The following LARP4B variants were observed in gnomAD, a reference collection of about 807,000 sequenced individuals.
LARP4B encodes la-related protein 4B.
Under a neutral mutation model 89.8 loss-of-function variants are expected in LARP4B, and 12 were observed. The observed-to-expected ratio is 0.13, with a 90% confidence interval of 0.09 to 0.22. The LOEUF is 0.22. Ranked by LOEUF, LARP4B falls within the 10% of genes least tolerant of loss-of-function variation. The pLI, the probability that LARP4B is intolerant of heterozygous loss-of-function variation, is 1.00. For missense variants in LARP4B, 757 were observed against 947.7 expected, an observed-to-expected ratio of 0.80 and a Z score of 2.64; for synonymous variants, 367 against 363.3, an observed-to-expected ratio of 1.01 and a Z score of -0.12.
chr10:954,335 G>T, the LARP4B span, among the ~76,000 whole-genome samples: 1 of 152,158 alleles, frequency 6.6e-6, no homozygotes, highest in Non-Finnish European at 1.5e-5. This position sits in a 1 kb window ranked among gnomAD's most constrained non-coding sequence, Gnocchi z 5.0. Context: ...AAGGGCTCCT[G>T]CTCCAGGCCT....
chr10:824,161 G>A (rs752293369), intron 13 of LARP4B, among the ~76,000 whole-genome samples: 11 of 152,116 alleles, frequency 7.2e-5, no homozygotes, highest in South Asian at 2.1e-4. Flanking sequence ...AAATCCTGAC[G>A]GTCCTTACCA....
intron 1 of LARP4B, among the ~76,000 whole-genome samples, chr10:898,430 T>G (rs554936823): frequency 6.6e-6 from 1 of 152,200 alleles, no homozygotes; most frequent in Non-Finnish European, 1.5e-5. Flanking sequence ...CCTGAAAACC[T>G]GTATGTGAAT....
At chr10:870,051 C>T (rs1489345467) in intron 3 of LARP4B, 5 of 985,530 alleles carry the variant, frequency 5.1e-6, no homozygotes, top group Admixed American at 1.2e-4. Flanking sequence ...CAAACAACAC[C>T]GTCCTCTGAC....
At chr10:914,447 C>A (rs1353214014) in intron 1 of LARP4B, among the ~76,000 whole-genome samples, 1 of 151,098 alleles carries the variant, frequency 6.6e-6, no homozygotes. Flanking sequence ...TGCAGTGAGC[C>A]GAGATCACGC....
chr10:927,247 G>C (rs1035696319), intron 1 of LARP4B, among the ~76,000 whole-genome samples: 1 of 152,092 alleles, frequency 6.6e-6, no homozygotes, highest in Non-Finnish European at 1.5e-5. Context: ...AGTTTATAAA[G>C]GCATTGAAGG....
intron 5 of LARP4B, among the ~76,000 whole-genome samples, chr10:854,572 CTT>C (rs1834208912): frequency 6.6e-6 from 1 of 151,836 alleles, no homozygotes; most frequent in Non-Finnish European, 1.5e-5. Context: ...TGAAAAATAT[CTT>C]TGTTTTTTTT....
intron 5 of LARP4B, among the ~76,000 whole-genome samples, chr10:849,255 T>C (rs1011147589): frequency 1.3e-5 from 2 of 152,220 alleles, no homozygotes; most frequent in African/African-American, 4.8e-5. Flanking sequence ...CTGATATCAC[T>C]GTCCAATGAA....
chr10:892,791 G>A (rs975906104), intron 1 of LARP4B, among the ~76,000 whole-genome samples: 13 of 151,798 alleles, frequency 8.6e-5, no homozygotes, highest in African/African-American at 2.7e-4. Flanking sequence ...CACCCACCTC[G>A]GCCTCCCAAA....
chr10:821,937 T>A (rs1832372624), intron 13 of LARP4B, among the ~76,000 whole-genome samples: 1 of 152,174 alleles, frequency 6.6e-6, no homozygotes, highest in Admixed American at 6.6e-5. Flanking sequence ...GCATGAGTCC[T>A]GACAACCCAA....
intron 1 of LARP4B, among the ~76,000 whole-genome samples, chr10:890,769 C>T (rs1835993674): frequency 1.3e-5 from 2 of 152,102 alleles, no homozygotes; most frequent in Admixed American, 6.6e-5. Flanking sequence ...TGAGCAAATA[C>T]TTCCAGGTGA....
chr10:926,447 G>A (rs1343049233), intron 1 of LARP4B, among the ~76,000 whole-genome samples: 1 of 152,156 alleles, frequency 6.6e-6, no homozygotes, highest in Non-Finnish European at 1.5e-5. Flanking sequence ...GTAGGAGAGG[G>A]AGGCGTGGTC....
In LARP4B at chr10:917,010, G is replaced by C. The variant is rs1305796077; in HGVS notation, c.-40+14418C>G. Among the ~76,000 whole-genome samples the C allele has an allele frequency of 5.9e-5, 9 of 152,094 alleles. No homozygotes were observed. In the East Asian group the frequency reaches 7.7e-4, roughly 13 times the overall value. ...ACTGCGCCAGGTGGTAAGTACTCTTGAATACAAGTTTCTGATAATTTTGAA... is the reference window on the plus strand; with the variant it reads ...ACTGCGCCAGGTGGTAAGTACTCTTCAATACAAGTTTCTGATAATTTTGAA... On this transcript the variant is annotated intron_variant, in intron 1 of 17. Coordinates refer to ENST00000316157, the MANE Select transcript of LARP4B (RefSeq NM_015155.3).
chr10:809,574 C>T lies in LARP4B; in HGVS notation c.*3352G>A, dbSNP rs192956857. 6.6e-6 allele frequency: 1 copy of T among 152,276 alleles called. No individual in the cohort carries two copies. The highest frequency in any genetic ancestry group is 1.9e-4 in the East Asian group (1 of 5,194). 9.4% of individuals were successfully genotyped at this position (152,276 alleles called of 1,614,324 possible). A position where few individuals can be genotyped will look rare whatever the true frequency, so the allele number is the denominator to read the frequency against. ...GTGCCTAAATCTTTATTTTCATAACCTACATTTTTTTTCAAATTAGACAGT... is the reference window on the plus strand; with the variant it reads ...GTGCCTAAATCTTTATTTTCATAACTTACATTTTTTTTCAAATTAGACAGT... On this transcript the variant is annotated 3_prime_UTR_variant, in exon 18 of 18. Transcript: ENST00000316157.
At chr10:825,555 G>C (rs1272337000) in intron 12 of LARP4B, among the ~76,000 whole-genome samples, 2 of 152,238 alleles carry the variant, frequency 1.3e-5, no homozygotes, top group Non-Finnish European at 2.9e-5. Flanking sequence ...CACACCTGAT[G>C]TGTACAAGTT....
chr10:882,208 C>A (rs1287347579), intron 3 of LARP4B, among the ~76,000 whole-genome samples: 1 of 151,392 alleles, frequency 6.6e-6, no homozygotes, highest in Non-Finnish European at 1.5e-5. Flanking sequence ...CAATTGCATA[C>A]TTTAAATGGG....
chr10:983,596 G>A, the LARP4B span, among the ~76,000 whole-genome samples: 6 of 152,156 alleles, frequency 3.9e-5, no homozygotes, highest in Non-Finnish European at 7.3e-5. Context: ...GGTCGGGGAA[G>A]CCTGGGAGCA....
At chr10:917,422 G>GT (rs1295945381) in intron 1 of LARP4B, among the ~76,000 whole-genome samples, 1 of 152,134 alleles carries the variant, frequency 6.6e-6, no homozygotes, top group Non-Finnish European at 1.5e-5. Context: ...CCGGTTTATT[G>GT]TAACAGGACA....
At chr10:983,191 T>G in the LARP4B span, among the ~76,000 whole-genome samples, 1 of 152,242 alleles carries the variant, frequency 6.6e-6, no homozygotes, top group Non-Finnish European at 1.5e-5. Flanking sequence ...GCAGTAGGCA[T>G]CAGTACTGTT....
chr10:938,966 G>A, the LARP4B span, among the ~76,000 whole-genome samples: 2 of 152,228 alleles, frequency 1.3e-5, no homozygotes, highest in African/African-American at 2.4e-5. Context: ...GTGGCGTGGT[G>A]AAAATTGTTG....
Sources: allele counts gnomAD v4.1 joint callset (sites outside exome capture counted in the v4.1 genomes callset), GRCh38; gene constraint gnomAD v4.1.1; non-coding constraint Gnocchi (gnomAD v3.1); transcripts MANE v1.5; gene names NCBI Gene and HGNC (gene_info 2026-07-23, HGNC 2026-07-21).